PUDP: variants seen among roughly 807,000 people sequenced by gnomAD.
PUDP encodes pseudouridine-5'-phosphatase.
Under a neutral mutation model 9.4 loss-of-function variants are expected in PUDP, and 8 were observed. The ratio of observed to expected loss-of-function variants is 0.85; its 90% CI spans 0.50 to 1.53. The LOEUF is 1.53. Among genes scored for constraint, PUDP ranks in the 40% most tolerant of loss-of-function variants. The probability of loss-of-function intolerance (pLI) is 0.00; values close to 1 mark genes in which losing one functional copy is unlikely to be tolerated. For synonymous variants in PUDP, 99 were observed against 80.7 expected, an observed-to-expected ratio of 1.23 and a Z score of -1.22; for missense variants, 188 against 189.7, an observed-to-expected ratio of 0.99 and a Z score of 0.05.
chrX:7,076,676 G>A (rs746161624), intron 3 of PUDP, among the ~76,000 whole-genome samples: 2 of 112,019 alleles, frequency 1.8e-5, no homozygotes, highest in East Asian at 2.8e-4. Flanking sequence ...GGGGTGCCAC[G>A]GCATACAAGC....
chrX:6,892,239 G>A (rs1927526960), intron 3 of PUDP, among the ~76,000 whole-genome samples: 1 of 111,828 alleles, frequency 8.9e-6, no homozygotes, highest in Admixed American at 9.5e-5. Flanking sequence ...ATTATCATTT[G>A]CCAAGTCTGA....
chrX:7,042,974 T>G (rs2146831828), intron 1 of PUDP, among the ~76,000 whole-genome samples: 1 of 111,969 alleles, frequency 8.9e-6, no homozygotes, highest in East Asian at 2.8e-4. Flanking sequence ...CTCCTTGACC[T>G]CTGTATTTGC....
intron 1 of PUDP, among the ~76,000 whole-genome samples, chrX:6,714,671 GATAA>G (rs1485291309): frequency 9.0e-6 from 1 of 111,271 alleles, no homozygotes; most frequent in Non-Finnish European, 1.9e-5. Flanking sequence ...TGATAGATGT[GATAA>G]ATAGAGATGA....
chrX:6,810,165 G>A (rs1363901280), intron 3 of PUDP, among the ~76,000 whole-genome samples: 1 of 111,201 alleles, frequency 9.0e-6, no homozygotes, highest in Non-Finnish European at 1.9e-5. Flanking sequence ...GATGCAAATG[G>A]CACTAGAATA....
chrX:6,954,912 A>G (rs1928604491), intron 3 of PUDP, among the ~76,000 whole-genome samples: 2 of 111,974 alleles, frequency 1.8e-5, no homozygotes, highest in Non-Finnish European at 3.8e-5. Context: ...ATGATTGCCC[A>G]TGGGGCAGAT....
chrX:7,020,340 T>A (rs868345001), intron 1 of PUDP, among the ~76,000 whole-genome samples: 1 of 140 alleles, frequency 7.1e-3, no homozygotes, highest in Admixed American at 0.071. Flanking sequence ...TCAGGTTGGC[T>A]GTAGTAATTA....
intron 3 of PUDP, among the ~76,000 whole-genome samples, chrX:6,851,649 T>TC (rs1926828961): frequency 8.9e-6 from 1 of 112,056 alleles, no homozygotes; most frequent in Non-Finnish European, 1.9e-5. Flanking sequence ...TGATAAACTC[T>TC]ATCATACGTA....
At chrX:6,768,488 G>T (rs1363162267) in intron 3 of PUDP, among the ~76,000 whole-genome samples, 1 of 112,097 alleles carries the variant, frequency 8.9e-6, no homozygotes, top group African/African-American at 3.2e-5. Flanking sequence ...TCGGACTCAG[G>T]ATTGTAGGGA....
intron 3 of PUDP, among the ~76,000 whole-genome samples, chrX:6,889,108 A>T (rs1927475450): frequency 8.9e-6 from 1 of 112,164 alleles, no homozygotes; most frequent in Non-Finnish European, 1.9e-5. Flanking sequence ...ATCATTACAC[A>T]AGATGCATTC....
chrX:6,940,808 C>G (rs1928387694), intron 3 of PUDP, among the ~76,000 whole-genome samples: 1 of 111,701 alleles, frequency 9.0e-6, no homozygotes, highest in Non-Finnish European at 1.9e-5. Flanking sequence ...CTGTTGACTC[C>G]TAAGTGCAGT....
intron 1 of PUDP, among the ~76,000 whole-genome samples, chrX:7,130,671 G>A (rs1230854514): frequency 1.8e-5 from 2 of 109,938 alleles, no homozygotes; most frequent in Admixed American, 9.7e-5. Flanking sequence ...AAAATTAGCC[G>A]GGTGCACGGC....
chrX:6,869,148 C>G (rs1927134745), intron 3 of PUDP, among the ~76,000 whole-genome samples: 1 of 111,894 alleles, frequency 8.9e-6, no homozygotes, highest in Non-Finnish European at 1.9e-5. Flanking sequence ...GTTTACATTC[C>G]TCCCCAGAAG....
At chrX:6,734,079 A>C (rs1374290461) in intron 3 of PUDP, among the ~76,000 whole-genome samples, 12 of 111,208 alleles carry the variant, frequency 1.1e-4, no homozygotes, top group African/African-American at 3.9e-4. Flanking sequence ...CGCCTGGCCA[A>C]GCAAAGATCG....
At chrX:6,745,529 T>TCAAG (rs1385938475) in intron 3 of PUDP, among the ~76,000 whole-genome samples, 164 of 112,391 alleles carry the variant, frequency 1.5e-3, no homozygotes, top group Non-Finnish European at 2.4e-3. Flanking sequence ...AGACCAGTAC[T>TCAAG]ACCTCTAAAT....
chrX:6,867,082 T>C (rs1927098355), intron 3 of PUDP, among the ~76,000 whole-genome samples: 1 of 111,126 alleles, frequency 9.0e-6, no homozygotes, highest in Non-Finnish European at 1.9e-5. Flanking sequence ...GCACTAGTAG[T>C]ATTCCAAGAT....
chrX:6,907,455 GTGTCCA>G (rs1186727502), intron 3 of PUDP, among the ~76,000 whole-genome samples: 1 of 111,831 alleles, frequency 8.9e-6, no homozygotes, highest in Admixed American at 9.5e-5. Context: ...GTCCCCACAT[GTGTCCA>G]TCATTCTCTA....
At chrX:6,886,275 C>T (rs1315494488) in intron 3 of PUDP, among the ~76,000 whole-genome samples, 2 of 112,086 alleles carry the variant, frequency 1.8e-5, no homozygotes, top group African/African-American at 3.2e-5. Context: ...TACTAATTTA[C>T]ACAAAATTTT....
intron 1 of PUDP, chrX:6,989,663 G>C (rs1440743748): frequency 8.8e-6 from 1 of 113,272 alleles, no homozygotes; most frequent in East Asian, 2.8e-4. Context: ...GGCAAAATTG[G>C]TTGCCTTCAT....
chrX:7,076,478 G>A (rs946675059), intron 3 of PUDP, among the ~76,000 whole-genome samples: 5 of 112,085 alleles, frequency 4.5e-5, no homozygotes, highest in African/African-American at 1.6e-4. Flanking sequence ...TTCAGGCCAA[G>A]GACTCCATCT....
Sources: gnomAD v4.1 joint callset for allele counts (sites outside exome capture counted in the v4.1 genomes callset) on GRCh38, gnomAD v4.1.1 for gene constraint, MANE v1.5 for transcripts, NCBI Gene and HGNC (gene_info 2026-07-23, HGNC 2026-07-21) for gene names.